Variants in MBNL1 observed in about 807,000 individuals in gnomAD.
MBNL1 encodes the protein muscleblind-like protein 1.
In MBNL1, 8 loss-of-function variants were observed where a neutral mutation model predicts 42.2. That is an observed-to-expected ratio of 0.19 (90% CI 0.11 to 0.34). The LOEUF (loss-of-function observed/expected upper bound fraction) is 0.34. MBNL1 is among the 10% of genes least tolerant of loss of function. MBNL1 has a pLI of 1.00. For missense variants in MBNL1, 309 were observed against 495.3 expected, an observed-to-expected ratio of 0.62 and a Z score of 3.57; for synonymous variants, 169 against 173.9, an observed-to-expected ratio of 0.97 and a Z score of 0.22.
At chr3:152,375,126 C>T (rs1445275349) in intron 2 of MBNL1, among the ~76,000 whole-genome samples, 1 of 152,172 alleles carries the variant, frequency 6.6e-6, no homozygotes, top group East Asian at 1.9e-4. Flanking sequence ...AGGCGTGTGC[C>T]ACCACACTTA....
Position 152,455,535 on chromosome 3 carries a change from T to C in MBNL1, c.962-7T>C. ...TCCACCTTCCTGTTGCAATGCATGATGGGCAGGCTCAATATTGTGCATGAC... is the reference window on the plus strand; with the variant it reads ...TCCACCTTCCTGTTGCAATGCATGACGGGCAGGCTCAATATTGTGCATGAC... On this transcript the variant is annotated splice_polypyrimidine_tract_variant and splice_region_variant and intron_variant, in intron 6 of 9. Transcript: ENST00000324210. The C allele has an allele frequency of 6.2e-7, 1 of 1,612,952 alleles. No homozygotes were observed. Among genetic ancestry groups the C allele is most frequent in the Non-Finnish European group, 8.5e-7 (1 of 1,179,140 alleles).
In MBNL1 at chr3:152,343,974, A is replaced by G. The variant is rs973958632; in HGVS notation, c.174+43607A>G. Among the ~76,000 whole-genome samples the G allele has an allele frequency of 9.9e-5, 15 of 152,252 alleles. 1 individual carries two copies. Among genetic ancestry groups the G allele is most frequent in the Admixed American group, 8.5e-4 (13 of 15,282 alleles). Reference sequence around the variant, plus strand: ...TATTAAATAGGGTTTTATGTTTATAATATTATAAAATTGTAATTTGTATGT... The same window carrying G: ...TATTAAATAGGGTTTTATGTTTATAGTATTATAAAATTGTAATTTGTATGT... On this transcript the variant is annotated intron_variant, in intron 2 of 9. Coordinates refer to ENST00000324210, the MANE Select transcript of MBNL1 (RefSeq NM_021038.5).
chr3:152,332,881 T>C (rs1372639455), intron 2 of MBNL1, among the ~76,000 whole-genome samples: 1 of 152,162 alleles, frequency 6.6e-6, no homozygotes, highest in Non-Finnish European at 1.5e-5. Context: ...GGCTTCTCAG[T>C]CTTAACATTT....
intron 3 of MBNL1, among the ~76,000 whole-genome samples, chr3:152,425,244 A>G (rs1173121423): frequency 6.6e-6 from 1 of 152,178 alleles, no homozygotes; most frequent in African/African-American, 2.4e-5. Context: ...TGGGCAAAGG[A>G]TATGAACAGA....
rs187801633 is a variant in MBNL1 at position 152,465,117 on chromosome 3, A to G, written c.*2751A>G. 1.4e-3 allele frequency: 221 copies of G among 152,596 alleles called. No individual in the cohort carries two copies. Among genetic ancestry groups the G allele is most frequent in the Non-Finnish European group, 2.5e-3 (169 of 68,036 alleles). 9.5% of individuals were successfully genotyped at this position (152,596 alleles called of 1,614,324 possible). A position where few individuals can be genotyped will look rare whatever the true frequency, so the allele number is the denominator to read the frequency against. ...ATCTGCCTGAAGATCATTACCAAAAATAGCAGGTACTTCTACCATTAAGGT... is the reference window on the plus strand; with the variant it reads ...ATCTGCCTGAAGATCATTACCAAAAGTAGCAGGTACTTCTACCATTAAGGT... On this transcript the variant is annotated 3_prime_UTR_variant, in exon 10 of 10. Coordinates refer to ENST00000324210, the MANE Select transcript of MBNL1 (RefSeq NM_021038.5).
In MBNL1 at chr3:152,425,262, C is replaced by G. The variant is rs911346677; in HGVS notation, c.346-7455C>G. On this transcript the variant is annotated intron_variant, in intron 3 of 9. Transcript: ENST00000324210. The stretch of plus-strand genomic sequence containing the variant: ...GCAAAGGATATGAACAGACACTTCT[C>G]AAAAGAAGACATTTATGTGGCCAAC... 3.3e-5 allele frequency among the ~76,000 whole-genome samples: 5 copies of G among 151,318 alleles called. No homozygotes were observed. The East Asian group carries it at 9.7e-4, about 29-fold the overall frequency.
intron 2 of MBNL1, among the ~76,000 whole-genome samples, chr3:152,404,837 C>G (rs1426413514): frequency 6.6e-6 from 1 of 151,048 alleles, no homozygotes; most frequent in Non-Finnish European, 1.5e-5. Flanking sequence ...ATTGAAGAGG[C>G]ATGTCAGTGA....
At chr3:152,406,588 G>T (rs2098435461) in intron 2 of MBNL1, among the ~76,000 whole-genome samples, 1 of 152,048 alleles carries the variant, frequency 6.6e-6, no homozygotes, top group African/African-American at 2.4e-5. Context: ...TAGAGTTTCA[G>T]TTATGCCATT....
At chr3:152,322,234 G>A (rs1482279253) in intron 2 of MBNL1, among the ~76,000 whole-genome samples, 1 of 151,956 alleles carries the variant, frequency 6.6e-6, no homozygotes, top group Admixed American at 6.6e-5. Flanking sequence ...CTAACACATT[G>A]TAGCCTTCCA....
At chr3:152,373,602 G>A (rs564007197) in intron 2 of MBNL1, among the ~76,000 whole-genome samples, 2 of 152,236 alleles carry the variant, frequency 1.3e-5, no homozygotes, top group East Asian at 3.9e-4. Flanking sequence ...GTGAGGTGAT[G>A]CACCCCCCCT....
chr3:152,436,251 C>T (rs2099076601), intron 4 of MBNL1, among the ~76,000 whole-genome samples: 1 of 152,162 alleles, frequency 6.6e-6, no homozygotes, highest in Non-Finnish European at 1.5e-5. Flanking sequence ...CAGACACATG[C>T]ATCGCAGGTT....
At chr3:152,387,405 G>A (rs191852270) in intron 2 of MBNL1, among the ~76,000 whole-genome samples, 107 of 152,054 alleles carry the variant, frequency 7.0e-4, no homozygotes, top group Non-Finnish European at 1.3e-3. Context: ...CTACATTCAA[G>A]ACTTAAAATA....
At chr3:152,260,053 T>G (rs191578620) in intron 2 of MBNL1, among the ~76,000 whole-genome samples, 125 of 152,330 alleles carry the variant, frequency 8.2e-4, no homozygotes, top group Admixed American at 2.9e-3. Context: ...TTTCTTACCA[T>G]GTAGCCTCAG....
chr3:152,381,187 G>A (rs1275654427), intron 2 of MBNL1, among the ~76,000 whole-genome samples: 1 of 152,014 alleles, frequency 6.6e-6, no homozygotes, highest in Non-Finnish European at 1.5e-5. Flanking sequence ...AAAGTTACTT[G>A]TAACAAAGAC....
chr3:152,421,793 G>A (rs1328519781), intron 3 of MBNL1, among the ~76,000 whole-genome samples: 1 of 152,112 alleles, frequency 6.6e-6, no homozygotes, highest in Admixed American at 6.5e-5. Flanking sequence ...ATTCTTAAAA[G>A]AATTTTCAAC....
rs1164688550 is a variant in MBNL1 at position 152,381,167 on chromosome 3, G to T, written c.175-33774G>T. On this transcript the variant is annotated intron_variant, in intron 2 of 9. Coordinates refer to ENST00000324210, the MANE Select transcript of MBNL1 (RefSeq NM_021038.5). ...TATATAAAAGGCAGCTCTAAACTCT[G>T]ACTACATTCAAAGTTACTTGTAACA... 3.9e-5 allele frequency among the ~76,000 whole-genome samples: 6 copies of T among 152,092 alleles called. No individual in the cohort carries two copies. In the East Asian group the frequency reaches 9.6e-4, roughly 24 times the overall value.
At chr3:152,330,317 C>T (rs1369348119) in intron 2 of MBNL1, among the ~76,000 whole-genome samples, 3 of 152,164 alleles carry the variant, frequency 2.0e-5, no homozygotes, top group Non-Finnish European at 4.4e-5. Context: ...CTGGGGTTAT[C>T]TCAAACTCCT....
At chr3:152,429,814 C>G (rs559769945) in intron 3 of MBNL1, among the ~76,000 whole-genome samples, 2,353 of 144,626 alleles carry the variant, frequency 0.016, 61 homozygotes, top group African/African-American at 0.055. Flanking sequence ...GTGTGTGTGT[C>G]TGTCTGTCTG....
At chr3:152,427,892 T>C (rs983851705) in intron 3 of MBNL1, among the ~76,000 whole-genome samples, 2 of 151,744 alleles carry the variant, frequency 1.3e-5, no homozygotes, top group Admixed American at 6.6e-5. Flanking sequence ...ATTGATTACA[T>C]ATTATTTGTT....
Sources: gnomAD v4.1 joint callset for allele counts (sites outside exome capture counted in the v4.1 genomes callset) on GRCh38, gnomAD v4.1.1 for gene constraint, MANE v1.5 for transcripts, NCBI Gene and HGNC (gene_info 2026-07-23, HGNC 2026-07-21) for gene names.